Variants in RAB10 observed in about 807,000 individuals in gnomAD.
RAB10 encodes the protein RAB10, member RAS oncogene family.
A neutral mutation model predicts 25.7 loss-of-function variants in RAB10; 5 were observed. The observed-to-expected ratio is 0.19, with a 90% CI of 0.10 to 0.41. RAB10 has a LOEUF of 0.41. Ranked by LOEUF, RAB10 falls within the 10% of genes least tolerant of loss-of-function variation. RAB10 has a pLI of 1.00. For missense variants in RAB10, 103 were observed against 245.8 expected, an observed-to-expected ratio of 0.42 and a Z score of 3.89; for synonymous variants, 89 against 86.4, an observed-to-expected ratio of 1.03 and a Z score of -0.16.
intron 1 of RAB10, among the ~76,000 whole-genome samples, chr2:26,067,143 C>T (rs1666531855): frequency 2.6e-5 from 4 of 152,078 alleles, no homozygotes; most frequent in Admixed American, 2.0e-4. Context: ...TCTCAAACTC[C>T]TGGGCTCAAG....
At chr2:26,055,901 T>C (rs1346227609) in intron 1 of RAB10, among the ~76,000 whole-genome samples, 1 of 143,842 alleles carries the variant, frequency 7.0e-6, no homozygotes, top group Non-Finnish European at 1.5e-5. Flanking sequence ...GAACTTTTTT[T>C]TCTTTTTTTT....
chr2:26,094,818 C>G (rs1175729207), intron 1 of RAB10, among the ~76,000 whole-genome samples: 6 of 152,030 alleles, frequency 3.9e-5, no homozygotes, highest in Non-Finnish European at 5.9e-5. Flanking sequence ...CTCAGCCACC[C>G]AAGGTGCTGG....
chr2:26,134,853 T>G, intron 5 of RAB10, 85 bp from the exon 6 acceptor site: 1 of 1,045,440 alleles, frequency 9.6e-7, no homozygotes, highest in Admixed American at 2.3e-5. Flanking sequence ...TTGTATAAAT[T>G]GACATAAGAA....
At chr2:26,118,072 A>C (rs1274041120) in intron 3 of RAB10, among the ~76,000 whole-genome samples, 1 of 151,008 alleles carries the variant, frequency 6.6e-6, no homozygotes, top group East Asian at 2.0e-4. Flanking sequence ...TCCCGGATTC[A>C]AGTGGTTCTC....
chr2:26,125,454 T>TA (rs60245905), intron 3 of RAB10, among the ~76,000 whole-genome samples: 2 of 149,294 alleles, frequency 1.3e-5, no homozygotes, highest in African/African-American at 4.9e-5. Context: ...TTTTTTTTTT[T>TA]AAATTTTTTC....
chr2:26,057,448 A>AAG (rs58210774), intron 1 of RAB10, among the ~76,000 whole-genome samples: 1 of 151,650 alleles, frequency 6.6e-6, no homozygotes, highest in African/African-American at 2.4e-5. Flanking sequence ...AAAAAAAAAA[A>AAG]TTAAAAAATA....
At chr2:26,084,711 T>TTCATAGTTCTG (rs1559588402) in intron 1 of RAB10, among the ~76,000 whole-genome samples, 5,141 of 152,046 alleles carry the variant, frequency 0.034, 296 homozygotes, top group African/African-American at 0.12. Context: ...TTTTACCCCT[T>TTCATAGTTCTG]CAGTTTCAGT....
intron 1 of RAB10, among the ~76,000 whole-genome samples, chr2:26,095,740 C>T (rs541339077): frequency 6.6e-6 from 1 of 152,028 alleles, no homozygotes; most frequent in Non-Finnish European, 1.5e-5. Context: ...ATTGGGACGT[C>T]GTTTCTACAA....
chr2:26,041,370 G>A (rs1268397653), intron 1 of RAB10, among the ~76,000 whole-genome samples: 8 of 150,956 alleles, frequency 5.3e-5, no homozygotes, highest in Admixed American at 3.3e-4. Flanking sequence ...GTGAAACCCC[G>A]TCTCTACTAA....
chr2:26,114,610 G>C (rs929138878), intron 3 of RAB10, among the ~76,000 whole-genome samples: 1 of 152,062 alleles, frequency 6.6e-6, no homozygotes, highest in Non-Finnish European at 1.5e-5. Context: ...GACCACAAAG[G>C]TTGGGTATGG....
At chr2:26,034,790 T>C in intron 1 of RAB10, 55 bp downstream of exon 1, 1 of 1,599,718 alleles carries the variant, frequency 6.3e-7, no homozygotes, top group South Asian at 1.1e-5. Flanking sequence ...CCGTTTATTT[T>C]ACTCCAGACA....
At chr2:26,059,483 A>C (rs77361779) in intron 1 of RAB10, among the ~76,000 whole-genome samples, 18,202 of 152,212 alleles carry the variant, frequency 0.12, 1,271 homozygotes, top group African/African-American at 0.2. Flanking sequence ...TTTTTAACCT[A>C]AATGCAAAAT....
chr2:26,093,256 C>CT (rs964663789), intron 1 of RAB10, among the ~76,000 whole-genome samples: 1 of 152,066 alleles, frequency 6.6e-6, no homozygotes, highest in African/African-American at 2.4e-5. Flanking sequence ...ACTTTGTTTT[C>CT]TTTTTTCTTC....
At chr2:26,050,918 T>G (rs562848121) in intron 1 of RAB10, among the ~76,000 whole-genome samples, 1 of 152,182 alleles carries the variant, frequency 6.6e-6, no homozygotes, top group East Asian at 1.9e-4. Flanking sequence ...TAAATTTTTT[T>G]GTTTGACTTT....
chr2:26,043,513 A>G (rs959628679), intron 1 of RAB10, among the ~76,000 whole-genome samples: 2 of 152,200 alleles, frequency 1.3e-5, no homozygotes, highest in Non-Finnish European at 2.9e-5. Context: ...GGTGGAAACA[A>G]CTCACATGTT....
At chr2:26,062,642 C>T (rs1023997483) in intron 1 of RAB10, among the ~76,000 whole-genome samples, 2 of 151,972 alleles carry the variant, frequency 1.3e-5, no homozygotes, top group East Asian at 1.9e-4. Flanking sequence ...CATGCTACTC[C>T]ACTCCAGCCT....
intron 2 of RAB10, among the ~76,000 whole-genome samples, chr2:26,102,439 CTT>C (rs562310195): frequency 1.4e-4 from 17 of 124,350 alleles, no homozygotes; most frequent in Non-Finnish European, 1.7e-4. Context: ...TTTTTTCTTT[CTT>C]TTTTTTTTTT....
intron 5 of RAB10, among the ~76,000 whole-genome samples, chr2:26,132,241 G>T (rs1668025578): frequency 1.3e-5 from 2 of 152,152 alleles, no homozygotes; most frequent in African/African-American, 4.8e-5. Flanking sequence ...TCTGAGTAAG[G>T]CTGAGCATTT....
At chr2:26,057,899 C>T (rs1333015513) in intron 1 of RAB10, among the ~76,000 whole-genome samples, 1 of 152,194 alleles carries the variant, frequency 6.6e-6, no homozygotes, top group East Asian at 1.9e-4. Context: ...GCTGGGATTA[C>T]AGGTGTGAGC....
Sources: allele counts gnomAD v4.1 joint callset (sites outside exome capture counted in the v4.1 genomes callset), GRCh38; gene constraint gnomAD v4.1.1; transcripts MANE v1.5; gene names NCBI Gene and HGNC (gene_info 2026-07-23, HGNC 2026-07-21).